Variants in SEPTIN2 observed in about 807,000 individuals in gnomAD.
SEPTIN2 encodes the protein septin-2.
Under a neutral mutation model 46.5 loss-of-function variants are expected in SEPTIN2, and 34 were observed. That is an observed-to-expected ratio of 0.73 (90% CI 0.56 to 0.97). The LOEUF is 0.97. SEPTIN2 is among the 50% of genes least tolerant of loss of function. SEPTIN2 has a pLI of 0.00. For synonymous variants in SEPTIN2, 175 were observed against 153.4 expected (o/e 1.14, Z -1.04); for missense variants, 347 against 448.4 (o/e 0.77, Z 2.04).
chr2:241,342,235 T>G (rs200207260), intron 7 of SEPTIN2, among the ~76,000 whole-genome samples: 24 of 151,174 alleles, frequency 1.6e-4, no homozygotes, highest in East Asian at 1.6e-3. Flanking sequence ...CGAGGTTTTG[T>G]TTTTTTTTCT....
rs564633643 is a variant in SEPTIN2 at position 241,335,653 on chromosome 2, T to C, written c.218-322T>C. 5.3e-5 allele frequency: 30 copies of C among 570,466 alleles called. No individual in the cohort carries two copies. The African/African-American group carries it at 5.4e-4, about 10-fold the overall frequency. 35.3% of individuals were successfully genotyped at this position (570,466 alleles called of 1,614,324 possible). Reference sequence around the variant, plus strand: ...CATAGTGAGAGCCTAAGACTTGGGCTGCTGCAAGAATATGTAGCCCTTTCA... The same window carrying C: ...CATAGTGAGAGCCTAAGACTTGGGCCGCTGCAAGAATATGTAGCCCTTTCA... On this transcript the variant is annotated intron_variant, in intron 4 of 12. Transcript: ENST00000391971.
chr2:241,331,129 A>C (rs1293092233), intron 3 of SEPTIN2, among the ~76,000 whole-genome samples: 9 of 152,220 alleles, frequency 5.9e-5, no homozygotes, highest in Non-Finnish European at 1.2e-4. Flanking sequence ...CAGTGAGCCG[A>C]GGTCATGCCA....
intron 3 of SEPTIN2, 113 bp downstream of exon 3, chr2:241,326,226 TAAC>T: frequency 9.7e-7 from 1 of 1,025,798 alleles, no homozygotes; most frequent in Non-Finnish European, 1.3e-6. Context: ...CAGAGTCAAA[TAAC>T]TTGAGAATTT....
At chr2:241,319,648 G>A (rs1212974543) in intron 1 of SEPTIN2, among the ~76,000 whole-genome samples, 1 of 152,180 alleles carries the variant, frequency 6.6e-6, no homozygotes, top group Admixed American at 6.5e-5. Context: ...CTGGAGTGCA[G>A]CAGCACCATC....
chr2:241,346,302 T>G (rs1314529248), intron 10 of SEPTIN2, 53 bp downstream of exon 10: 2 of 1,396,276 alleles, frequency 1.4e-6, no homozygotes, highest in East Asian at 4.6e-5. Context: ...GCCACAATGT[T>G]CCTCCTCCTC....
upstream of SEPTIN2, chr2:241,315,678 C>G (rs890354238): frequency 6.6e-6 from 1 of 151,782 alleles, no homozygotes; most frequent in Non-Finnish European, 1.5e-5. Context: ...CGCTTGACCT[C>G]CCCCCCCACC....
In SEPTIN2 at chr2:241,353,183, T is replaced by C. The variant is rs1326563406; in HGVS notation, c.*1246T>C. ...GTCGTTTCATTCATTTTGTGTAATA[T>C]AAACCGTGTGTCATGTCAAAGTGAA... On this transcript the variant is annotated 3_prime_UTR_variant, in exon 13 of 13. Coordinates refer to ENST00000391971, the MANE Select transcript of SEPTIN2 (RefSeq NM_004404.5). 3 of 152,282 alleles carry C rather than the reference T, an allele frequency of 2.0e-5. No homozygotes were observed. The highest frequency in any genetic ancestry group is 4.8e-5 in the African/African-American group (2 of 41,474). The allele number at this position is 152,282 out of a possible 1,614,324, so 9.4% of individuals were successfully genotyped here.
At chr2:241,337,163 C>G (rs922436280) in intron 5 of SEPTIN2, 4 of 508,062 alleles carry the variant, frequency 7.9e-6, no homozygotes, top group Non-Finnish European at 1.4e-5. Flanking sequence ...TAACCTATTC[C>G]ATTCAGGCTT....
intron 4 of SEPTIN2, 156 bp from the exon 5 acceptor site, chr2:241,335,819 A>T: frequency 1.1e-6 from 1 of 874,252 alleles, no homozygotes; most frequent in Non-Finnish European, 1.8e-6. Flanking sequence ...CCCCTTTCTG[A>T]CTTCTCTGGG....
At position 241,322,346 on chromosome 2, in the gene SEPTIN2, C is replaced by T. The variant is rs146017756; in HGVS notation, c.-17-1870C>T. 6.8e-4 allele frequency among the ~76,000 whole-genome samples: 103 copies of T among 152,066 alleles called. 1 individual carries two copies. Among genetic ancestry groups the T allele is most frequent in the African/African-American group, 2.3e-3 (97 of 41,398 alleles). On this transcript the variant is annotated intron_variant, in intron 1 of 12. Transcript: ENST00000391971. ...TCTGGCTGGGCACAGTGGCTCACAC[C>T]TGTAATCCCAGCACCTTGGGAGGCT...
chr2:241,319,344 T>C (rs1299008387), intron 1 of SEPTIN2, among the ~76,000 whole-genome samples: 2 of 152,248 alleles, frequency 1.3e-5, no homozygotes. Flanking sequence ...ATTGTGGAAA[T>C]AGATGAAACA....
At chr2:241,333,877 G>T (rs1049851890) in intron 3 of SEPTIN2, among the ~76,000 whole-genome samples, 16 of 152,276 alleles carry the variant, frequency 1.1e-4, no homozygotes, top group Admixed American at 1.0e-3. Context: ...AAGGGACAGG[G>T]TCTCACTCTG....
At chr2:241,317,452 A>C in intron 1 of SEPTIN2, 1 of 758,956 alleles carries the variant, frequency 1.3e-6, no homozygotes, top group Non-Finnish European at 1.6e-6. Flanking sequence ...GTTTCCCTCT[A>C]TCATTCATAA....
rs1228332368 is a variant in SEPTIN2, at chr2:241,342,726, C to T, written c.595-266C>T. Among the ~76,000 whole-genome samples, 3 of 151,780 alleles carry T rather than the reference C, an allele frequency of 2.0e-5. No individual in the cohort carries two copies. The East Asian group carries it at 5.8e-4, about 29-fold the overall frequency. On this transcript the variant is annotated intron_variant, in intron 7 of 12. Coordinates refer to ENST00000391971, the MANE Select transcript of SEPTIN2 (RefSeq NM_004404.5). ...AATTTTTTTGTATTTTTAGTAGAGACAGGGTTTCACCATGTTAGCCAGGAT... is the reference window on the plus strand; with the variant it reads ...AATTTTTTTGTATTTTTAGTAGAGATAGGGTTTCACCATGTTAGCCAGGAT...
chr2:241,334,110 G>A (rs985614062), intron 3 of SEPTIN2, among the ~76,000 whole-genome samples: 3 of 152,164 alleles, frequency 2.0e-5, no homozygotes, highest in Non-Finnish European at 4.4e-5. Context: ...TTAGCCTCAA[G>A]TGATCCTCCA....
chr2:241,337,388 G>A lies in SEPTIN2; in HGVS notation c.348G>A (p.Lys116=). 2 of 1,612,634 alleles carry A rather than the reference G, an allele frequency of 1.2e-6. No individual in the cohort carries two copies. Among genetic ancestry groups the A allele is most frequent in the South Asian group, 1.1e-5 (1 of 90,664 alleles). Residue 116 remains lysine (K), a synonymous_variant, in exon 6 of 13, where the codon AAG becomes AAA. Transcript: ENST00000391971. ...ATGTTTCTGTTTCTCTCAGTTTTAAGACAATTATCTCCTATATTGATGAGC... is the reference window on the plus strand; with the variant it reads ...ATGTTTCTGTTTCTCTCAGTTTTAAAACAATTATCTCCTATATTGATGAGC... ...GDAINCRDCF[K]TIISYIDEQF... is the part of the protein sequence containing the mutation.
intron 4 of SEPTIN2, 98 bp downstream of exon 4, chr2:241,335,310 GTTC>G: frequency 6.4e-7 from 1 of 1,560,482 alleles, no homozygotes; most frequent in Non-Finnish European, 8.7e-7. Context: ...TGTTTTGTTT[GTTC>G]TTGTTCAGCT....
intron 5 of SEPTIN2, chr2:241,336,516 C>G (rs2080018685): frequency 5.6e-6 from 1 of 178,568 alleles, no homozygotes; most frequent in South Asian, 1.2e-4. Flanking sequence ...ATAGAGCAGT[C>G]TGTCACCTGT....
intron 3 of SEPTIN2, among the ~76,000 whole-genome samples, chr2:241,326,907 C>G (rs1001868267): frequency 4.6e-5 from 7 of 152,062 alleles, no homozygotes; most frequent in African/African-American, 1.4e-4. Flanking sequence ...AACCCTGTCT[C>G]TACAGAAAAT....
Sources: gnomAD v4.1 joint callset for allele counts (sites outside exome capture counted in the v4.1 genomes callset) on GRCh38, gnomAD v4.1.1 for gene constraint, MANE v1.5 for transcripts, NCBI Gene and HGNC (gene_info 2026-07-23, HGNC 2026-07-21) for gene names.